Variants in PCMTD1 observed in about 807,000 individuals in gnomAD.
The protein encoded by PCMTD1 is protein-L-isoaspartate O-methyltransferase domain-containing protein 1.
A neutral mutation model predicts 37.6 loss-of-function variants in PCMTD1; 12 were observed. That is an observed-to-expected ratio of 0.32 (90% CI 0.20 to 0.52). PCMTD1 has a LOEUF of 0.52. PCMTD1 is among the 20% of genes least tolerant of loss of function. The pLI, the probability that PCMTD1 is intolerant of heterozygous loss-of-function variation, is 0.97. For missense variants in PCMTD1, 235 were observed against 421.3 expected (o/e 0.56, Z 3.87); for synonymous variants, 117 against 135.8 (o/e 0.86, Z 0.96).
chr8:51,891,693 T>C (rs1173295950), intron 1 of PCMTD1, among the ~76,000 whole-genome samples: 3 of 81,190 alleles, frequency 3.7e-5, no homozygotes, highest in Non-Finnish European at 1.0e-4. Flanking sequence ...TATACATATA[T>C]ATGTATATAT....
At chr8:51,881,731 A>C (rs1201826196) in intron 1 of PCMTD1, among the ~76,000 whole-genome samples, 1 of 152,164 alleles carries the variant, frequency 6.6e-6, no homozygotes, top group South Asian at 2.1e-4. Context: ...CAAAGAAAAA[A>C]ATTTAGAGCT....
At chr8:51,861,335 C>G in intron 1 of PCMTD1, 89 bp from the exon 2 acceptor site, 1 of 922,572 alleles carries the variant, frequency 1.1e-6, no homozygotes, top group Non-Finnish European at 1.5e-6. Context: ...TTATAATTAA[C>G]TACCATTTCT....
At chr8:51,869,443 C>T (rs868090779) in intron 1 of PCMTD1, among the ~76,000 whole-genome samples, 8 of 152,240 alleles carry the variant, frequency 5.3e-5, no homozygotes, top group South Asian at 4.1e-4. Flanking sequence ...TATTCTGCAG[C>T]TCCTAAGGTC....
intron 1 of PCMTD1, 33 bp downstream of exon 1, chr8:51,898,897 A>C (rs926160696): frequency 8.1e-5 from 106 of 1,308,440 alleles, no homozygotes; most frequent in Non-Finnish European, 9.9e-5. Flanking sequence ...CGCACACCCC[A>C]CGACCCCGAG....
intron 2 of PCMTD1, among the ~76,000 whole-genome samples, chr8:51,847,659 C>T (rs1307574741): frequency 6.6e-6 from 1 of 152,058 alleles, no homozygotes. Context: ...TAAAACTACA[C>T]TTACTTAACA....
At chr8:51,866,903 T>TCCATACATCCGATAAAGGATTGCAAC in intron 1 of PCMTD1, among the ~76,000 whole-genome samples, 1 of 151,896 alleles carries the variant, frequency 6.6e-6, no homozygotes, top group Non-Finnish European at 1.5e-5. Flanking sequence ...AAACCATACA[T>TCCATACATCCGATAAAGGATTGCAAC]CCATACATCC....
intron 5 of PCMTD1, among the ~76,000 whole-genome samples, chr8:51,826,075 T>G (rs1022236055): frequency 1.3e-5 from 2 of 152,234 alleles, no homozygotes; most frequent in Admixed American, 1.3e-4. Context: ...GTATGTTTAC[T>G]GCAGCACTAT....
intron 1 of PCMTD1, among the ~76,000 whole-genome samples, chr8:51,886,728 C>G (rs904744471): frequency 6.6e-6 from 1 of 152,168 alleles, no homozygotes; most frequent in Non-Finnish European, 1.5e-5. Context: ...CAAATGGCCA[C>G]AGTATATTTA....
At chr8:51,860,031 T>C (rs928908563) in intron 2 of PCMTD1, among the ~76,000 whole-genome samples, 1 of 152,202 alleles carries the variant, frequency 6.6e-6, no homozygotes, top group Non-Finnish European at 1.5e-5. Context: ...TCATCCTCCA[T>C]CCAACATAAT....
rs1331840958 is a variant in PCMTD1, at chr8:51,825,417, G to A, written c.707-4699C>T. Reference sequence around the variant, plus strand: ...TTCTCAAAATAAGATATTTATGGCCGGGCGCGGTGGCTCACGCCTGTAATC... The same window carrying A: ...TTCTCAAAATAAGATATTTATGGCCAGGCGCGGTGGCTCACGCCTGTAATC... On this transcript the variant is annotated intron_variant, in intron 5 of 5. Transcript: ENST00000522514. 3.5e-3 allele frequency among the ~76,000 whole-genome samples: 100 copies of A among 28,494 alleles called. 17 individuals carry two copies. Among genetic ancestry groups the A allele is most frequent in the African/African-American group, 3.9e-3 (99 of 25,122 alleles). The allele number at this position is 28,494 out of a possible 152,430, so 18.7% of individuals were successfully genotyped here.
intron 3 of PCMTD1, 88 bp from the exon 4 acceptor site, chr8:51,833,777 C>T (rs1461650783): frequency 1.9e-5 from 17 of 918,154 alleles, no homozygotes; most frequent in Admixed American, 5.5e-5. Context: ...GAAATAATGA[C>T]GTTACCCAAA....
chr8:51,879,218 T>A (rs2038757429), intron 1 of PCMTD1, among the ~76,000 whole-genome samples: 1 of 151,364 alleles, frequency 6.6e-6, no homozygotes, highest in African/African-American at 2.4e-5. Flanking sequence ...CCTAGATCTG[T>A]CACTTGAGGG....
chr8:51,823,407 C>G (rs4873610), intron 5 of PCMTD1, among the ~76,000 whole-genome samples: 104,580 of 152,140 alleles, frequency 0.69, 42,398 homozygotes, highest in Non-Finnish European at 0.9. Flanking sequence ...CGAGGCTGCA[C>G]TGAGCCATGG....
intron 1 of PCMTD1, among the ~76,000 whole-genome samples, chr8:51,878,232 T>C (rs10096585): frequency 0.2 from 29,784 of 147,016 alleles, 4,703 homozygotes; most frequent in African/African-American, 0.42. Context: ...CTTAAAATAT[T>C]ATGAGATTTT....
chr8:51,843,488 T>G (rs2038175668), intron 3 of PCMTD1, among the ~76,000 whole-genome samples: 1 of 152,074 alleles, frequency 6.6e-6, no homozygotes, highest in South Asian at 2.1e-4. Context: ...ACCAGTCATA[T>G]CACTGTATTT....
intron 1 of PCMTD1, among the ~76,000 whole-genome samples, chr8:51,883,116 GAC>G (rs1487274368): frequency 2.0e-5 from 3 of 151,778 alleles, no homozygotes; most frequent in Non-Finnish European, 4.4e-5. Flanking sequence ...CAGCCTGGGC[GAC>G]ACAGCGAGAT....
At chr8:51,848,107 A>C (rs1173503707) in intron 2 of PCMTD1, among the ~76,000 whole-genome samples, 6 of 152,092 alleles carry the variant, frequency 3.9e-5, no homozygotes, top group Admixed American at 2.0e-4. Context: ...AAGAAGAAAG[A>C]AAGAAAAAAG....
At position 51,833,687 on chromosome 8, in the gene PCMTD1, A is replaced by G. The variant is rs755507106; in HGVS notation, c.413T>C (p.Phe138Ser). 3.1e-6 allele frequency: 5 copies of G among 1,601,820 alleles called. No homozygotes were observed. The highest frequency in any genetic ancestry group is 4.2e-6 in the Non-Finnish European group (5 of 1,176,800). ...AACAAATGCAGGTTCACAGAACTCAAATCTGCATTGAAAAACAAACATTTT... is the reference window on the plus strand; with the variant it reads ...AACAAATGCAGGTTCACAGAACTCAGATCTGCATTGAAAAACAAACATTTT... The part of the protein sequence containing the change: ...FIKNSDSFDK[F>S]EFCEPAFVVG... The change falls in exon 4 of 6, where the codon TTT (phenylalanine) becomes TCT (serine). Residue 138 changes from phenylalanine (F) to serine (S), a missense_variant and splice_region_variant. Physicochemically the swap from Phe to Ser is radical, Grantham distance 155. Around this residue, in one of 3 missense-constraint regions of PCMTD1, gnomAD observed 183 missense variants for 349.3 expected, o/e 0.52. Coordinates refer to ENST00000522514, the MANE Select transcript of PCMTD1 (RefSeq NM_052937.4).
At chr8:51,896,842 T>C (rs2039008179) in intron 1 of PCMTD1, among the ~76,000 whole-genome samples, 1 of 151,466 alleles carries the variant, frequency 6.6e-6, no homozygotes, top group African/African-American at 2.4e-5. Flanking sequence ...AAAACACAGG[T>C]TCTTGGATTA....
Sources: gnomAD v4.1 joint callset for allele counts (sites outside exome capture counted in the v4.1 genomes callset) on GRCh38, gnomAD v4.1.1 for gene constraint, gnomAD v4.1.1 regional missense constraint, MANE v1.5 for transcripts, NCBI Gene and HGNC (gene_info 2026-07-23, HGNC 2026-07-21) for gene names.